DLC1: variants seen among roughly 807,000 people sequenced by gnomAD.
The protein encoded by DLC1 is DLC1 Rho GTPase activating protein, also known as rho GTPase-activating protein 7.
Under a neutral mutation model 140.3 loss-of-function variants are expected in DLC1, and 54 were observed. That is an observed-to-expected ratio of 0.38 (90% CI 0.31 to 0.48). DLC1 has a LOEUF of 0.48. DLC1 is among the 20% of genes least tolerant of loss of function. The pLI is 0.96. For missense variants in DLC1, 2,536 were observed against 1,907.0 expected (o/e 1.33, Z -6.14); for synonymous variants, 986 against 728.1 (o/e 1.35, Z -5.70).
chr8:13,268,427 G>C (rs554798527), intron 5 of DLC1, among the ~76,000 whole-genome samples: 3 of 152,224 alleles, frequency 2.0e-5, no homozygotes. Flanking sequence ...CCATTCTCCT[G>C]CCTCAGTCTC....
At chr8:13,522,168 C>G (rs1223433550) in intron 1 of DLC1, among the ~76,000 whole-genome samples, 1 of 152,100 alleles carries the variant, frequency 6.6e-6, no homozygotes, top group Non-Finnish European at 1.5e-5. Context: ...GGTATGGCAT[C>G]AGGAGCTGCT....
chr8:13,280,293 A>C, intron 5 of DLC1, among the ~76,000 whole-genome samples: 1 of 150,546 alleles, frequency 6.6e-6, no homozygotes, highest in Non-Finnish European at 1.5e-5. Flanking sequence ...ATCTCAAAAA[A>C]AAAAAAAAAA....
chr8:13,161,209 A>T (rs1824671015), intron 5 of DLC1, among the ~76,000 whole-genome samples: 1 of 152,186 alleles, frequency 6.6e-6, no homozygotes, highest in Non-Finnish European at 1.5e-5. Context: ...GCAGAAATGA[A>T]ACCTAGATGA....
At chr8:13,356,057 T>A (rs1248749450) in intron 4 of DLC1, among the ~76,000 whole-genome samples, 2 of 114,464 alleles carry the variant, frequency 1.7e-5, no homozygotes, top group Non-Finnish European at 3.2e-5. Flanking sequence ...GCCACTGCAC[T>A]GCAGCCTGAG....
intron 5 of DLC1, among the ~76,000 whole-genome samples, chr8:13,132,164 G>A (rs1013796774): frequency 1.3e-5 from 2 of 151,704 alleles, no homozygotes; most frequent in African/African-American, 4.9e-5. Flanking sequence ...GGCATTTCAG[G>A]GACACGATTC....
At chr8:13,197,409 C>T (rs781433089) in intron 5 of DLC1, among the ~76,000 whole-genome samples, 15 of 151,746 alleles carry the variant, frequency 9.9e-5, no homozygotes, top group Middle Eastern at 3.4e-3. Context: ...AGTGCAGTGG[C>T]GTGATCTCGG....
intron 1 of DLC1, among the ~76,000 whole-genome samples, chr8:13,575,194 A>C (rs964939088): frequency 3.9e-5 from 6 of 152,190 alleles, no homozygotes; most frequent in African/African-American, 1.4e-4. Flanking sequence ...CCTGATTTTG[A>C]TGAGCCCACT....
intron 5 of DLC1, among the ~76,000 whole-genome samples, chr8:13,227,808 G>A (rs1828866297): frequency 6.6e-6 from 1 of 152,094 alleles, no homozygotes; most frequent in Non-Finnish European, 1.5e-5. Context: ...TCTCACATTT[G>A]GGCATCACAT....
At chr8:13,306,052 A>T (rs1008772907) in intron 4 of DLC1, among the ~76,000 whole-genome samples, 2 of 152,138 alleles carry the variant, frequency 1.3e-5, no homozygotes, top group Non-Finnish European at 2.9e-5. Context: ...CTTCTTTATT[A>T]ATCGCATCTA....
At chr8:13,571,299 A>G (rs1169452734) in intron 1 of DLC1, among the ~76,000 whole-genome samples, 2 of 152,150 alleles carry the variant, frequency 1.3e-5, no homozygotes, top group African/African-American at 2.4e-5. Context: ...TTGTGCAACC[A>G]TCACCACTGT....
At chr8:13,558,197 C>G (rs948083274) in intron 1 of DLC1, 3 of 152,180 alleles carry the variant, frequency 2.0e-5, no homozygotes, top group African/African-American at 7.2e-5. Flanking sequence ...GTCTTGAGTG[C>G]TTTCTCCCTG....
chr8:13,150,406 T>C (rs778143086), intron 5 of DLC1, among the ~76,000 whole-genome samples: 2 of 152,208 alleles, frequency 1.3e-5, no homozygotes, highest in African/African-American at 2.4e-5. Context: ...GTCTCTCTTT[T>C]TTTTTCTTTG....
chr8:13,499,593 G>T lies in DLC1; in HGVS notation c.479C>A (p.Ser160Tyr). 1.2e-6 allele frequency: 2 copies of T among 1,614,148 alleles called. No individual in the cohort carries two copies. Among genetic ancestry groups the T allele is most frequent in the Non-Finnish European group, 1.7e-6 (2 of 1,179,998 alleles). ...ALPIIQSNQV[S>Y]SNSWGIAGET... ...ACCAGCTATTCCCCAGGAGTTAGAA[G>T]AAACTTGGTTACTTTGTATGATGGG... The change falls in exon 2 of 18, where the codon TCT becomes TAT. Residue 160 changes from serine to tyrosine, a missense_variant. By Grantham distance (144) the Ser-to-Tyr change is moderately radical. Coordinates refer to ENST00000276297, the MANE Select transcript of DLC1 (RefSeq NM_182643.3).
chr8:13,371,397 G>A (rs1835721277), intron 4 of DLC1, among the ~76,000 whole-genome samples: 1 of 152,032 alleles, frequency 6.6e-6, no homozygotes, highest in African/African-American at 2.4e-5. Flanking sequence ...CTCTGTCTCT[G>A]TCTCTCTCAC....
intron 5 of DLC1, among the ~76,000 whole-genome samples, chr8:13,131,822 AC>A (rs113552769): frequency 3.3e-5 from 5 of 152,188 alleles, no homozygotes; most frequent in African/African-American, 1.2e-4. Context: ...CAGGCTGCTG[AC>A]CAGGATGAGA....
At chr8:13,425,475 A>G (rs1838527820) in intron 2 of DLC1, among the ~76,000 whole-genome samples, 1 of 152,226 alleles carries the variant, frequency 6.6e-6, no homozygotes, top group South Asian at 2.1e-4. Flanking sequence ...GACATCTTCA[A>G]GACTAATATA....
chr8:13,258,152 C>T (rs1251798175), intron 5 of DLC1, among the ~76,000 whole-genome samples: 2 of 152,262 alleles, frequency 1.3e-5, no homozygotes, highest in South Asian at 2.1e-4. Flanking sequence ...AGAAACAAAA[C>T]ATTCCAGTCC....
At chr8:13,449,665 T>C (rs1173782241) in intron 2 of DLC1, among the ~76,000 whole-genome samples, 1 of 145,674 alleles carries the variant, frequency 6.9e-6, no homozygotes, top group Non-Finnish European at 1.5e-5. Flanking sequence ...CACTGGGGCC[T>C]GTTGTGGGGT....
intron 1 of DLC1, among the ~76,000 whole-genome samples, chr8:13,549,414 T>G (rs941102993): frequency 3.3e-5 from 5 of 152,250 alleles, no homozygotes; most frequent in Non-Finnish European, 7.4e-5. Flanking sequence ...TTCAAAACAC[T>G]CTATAAAGCT....
Sources: allele counts gnomAD v4.1 joint callset (sites outside exome capture counted in the v4.1 genomes callset), GRCh38; gene constraint gnomAD v4.1.1; transcripts MANE v1.5; gene names NCBI Gene and HGNC (gene_info 2026-07-23, HGNC 2026-07-21).